Variants in OSBPL9 observed in about 807,000 individuals in gnomAD.
OSBPL9 encodes the protein oxysterol binding protein like 9, also known as oxysterol-binding protein-related protein 9.
A neutral mutation model predicts 106.6 loss-of-function variants in OSBPL9; 40 were observed. The observed-to-expected ratio is 0.38, with a 90% confidence interval of 0.29 to 0.49. OSBPL9 has a LOEUF of 0.49. Among genes scored for constraint, OSBPL9 ranks in the 20% least tolerant of loss-of-function variants. The pLI is 0.97. For synonymous variants in OSBPL9, 269 were observed against 295.4 expected, an observed-to-expected ratio of 0.91 and a Z score of 0.92; for missense variants, 609 against 887.2, an observed-to-expected ratio of 0.69 and a Z score of 3.98.
chr1:51,611,018 G>T (rs1643983592), intron 2 of OSBPL9, among the ~76,000 whole-genome samples: 1 of 152,228 alleles, frequency 6.6e-6, no homozygotes, highest in Non-Finnish European at 1.5e-5. Context: ...GAGGGTGTTT[G>T]TAAAATGTTT....
At chr1:51,524,225 C>A in the OSBPL9 span, among the ~76,000 whole-genome samples, 1 of 152,162 alleles carries the variant, frequency 6.6e-6, no homozygotes, top group African/African-American at 2.4e-5. Flanking sequence ...AAAGAACAAG[C>A]AGTAAGAGAT....
chr1:51,607,911 G>A (rs1168027395), intron 2 of OSBPL9, among the ~76,000 whole-genome samples: 1 of 152,192 alleles, frequency 6.6e-6, no homozygotes, highest in Non-Finnish European at 1.5e-5. Flanking sequence ...AGAAATCCAA[G>A]TGCCCCATCT....
chr1:51,620,216 A>T, intron 1 of OSBPL9, among the ~76,000 whole-genome samples: 1 of 152,230 alleles, frequency 6.6e-6, no homozygotes, highest in Admixed American at 6.5e-5. Context: ...TATGTGGCTT[A>T]TGATCACAAA....
intron 3 of OSBPL9, among the ~76,000 whole-genome samples, chr1:51,694,678 C>T (rs544707727): frequency 2.1e-4 from 32 of 152,222 alleles, no homozygotes; most frequent in Middle Eastern, 3.4e-3. Context: ...AAAATCAAAT[C>T]GGTTTACTGA....
At chr1:51,651,509 A>C (rs1049071196) in intron 1 of OSBPL9, among the ~76,000 whole-genome samples, 4 of 152,122 alleles carry the variant, frequency 2.6e-5, no homozygotes, top group Non-Finnish European at 5.9e-5. Context: ...AGGCTGAGGC[A>C]GGAGAATCGC....
At chr1:51,564,021 C>T in the OSBPL9 span, among the ~76,000 whole-genome samples, 10 of 109,882 alleles carry the variant, frequency 9.1e-5, no homozygotes, top group South Asian at 2.7e-3. Flanking sequence ...TGCCATTGCA[C>T]TCTAGCCTGG....
At chr1:51,563,965 G>A in the OSBPL9 span, among the ~76,000 whole-genome samples, 1 of 138,914 alleles carries the variant, frequency 7.2e-6, no homozygotes, top group Non-Finnish European at 1.5e-5. Flanking sequence ...GCACCTGGTG[G>A]GAGGATCTGA....
intron 1 of OSBPL9, among the ~76,000 whole-genome samples, chr1:51,621,227 CATGGTGG>C (rs1644412888): frequency 1.3e-5 from 2 of 152,202 alleles, no homozygotes; most frequent in South Asian, 4.1e-4. Flanking sequence ...TGTGGCCAGG[CATGGTGG>C]CTCACGCCTG....
intron 21 of OSBPL9, 188 bp from the exon 22 acceptor site, chr1:51,786,338 C>A: frequency 1.9e-6 from 1 of 534,184 alleles, no homozygotes; most frequent in Non-Finnish European, 3.3e-6. Context: ...CTTCAAAGAA[C>A]TTGCACTCTG....
the OSBPL9 span, among the ~76,000 whole-genome samples, chr1:51,540,439 G>A: frequency 9.9e-5 from 15 of 151,406 alleles, no homozygotes; most frequent in African/African-American, 3.4e-4. Context: ...GGCAGATCAC[G>A]AGGTCAAGAG....
At chr1:51,721,994 A>G (rs1005792023) in intron 4 of OSBPL9, among the ~76,000 whole-genome samples, 11 of 152,246 alleles carry the variant, frequency 7.2e-5, no homozygotes, top group African/African-American at 2.2e-4. Flanking sequence ...ATACAACTAC[A>G]TGTAGCCCTT....
chr1:51,554,540 G>C, the OSBPL9 span, among the ~76,000 whole-genome samples: 1 of 152,158 alleles, frequency 6.6e-6, no homozygotes, highest in Non-Finnish European at 1.5e-5. Context: ...TGTCTTGCTG[G>C]ATTGTTTTAG....
chr1:51,641,387 C>T (rs1023812260), intron 1 of OSBPL9, among the ~76,000 whole-genome samples: 5 of 152,160 alleles, frequency 3.3e-5, no homozygotes, highest in African/African-American at 1.2e-4. Flanking sequence ...GGGATTTCAA[C>T]ATATGAACTT....
chr1:51,529,920 C>G, the OSBPL9 span, among the ~76,000 whole-genome samples: 1 of 151,280 alleles, frequency 6.6e-6, no homozygotes, highest in Non-Finnish European at 1.5e-5. Context: ...GCCTGTAAAC[C>G]CAGCACTTTG....
At chr1:51,612,764 A>G (rs1349333973), upstream of OSBPL9, among the ~76,000 whole-genome samples, 1 of 152,202 alleles carries the variant, frequency 6.6e-6, no homozygotes, top group Non-Finnish European at 1.5e-5. Context: ...CATGTCCAAG[A>G]CATTTATTTA....
intron 4 of OSBPL9, among the ~76,000 whole-genome samples, chr1:51,742,137 G>A (rs183302822): frequency 1.3e-5 from 2 of 152,288 alleles, no homozygotes; most frequent in Admixed American, 1.3e-4. Context: ...ACACTGAGCT[G>A]GCCCTGATGG....
intron 2 of OSBPL9, among the ~76,000 whole-genome samples, chr1:51,602,882 G>A (rs1205947410): frequency 6.6e-6 from 1 of 152,220 alleles, no homozygotes; most frequent in Admixed American, 6.5e-5. Context: ...TAGGGCTGGG[G>A]TGGTGGCTCA....
rs1357173060 is a variant in OSBPL9, at chr1:51,602,419, AT to A, written c.-353+4247del. Reference sequence around the variant, plus strand: ...CTCGTTCATGAAACATTTTTTTTTAATTTTTTTTTTTTTTTTTTTTTGAGAC... The same window carrying A: ...CTCGTTCATGAAACATTTTTTTTTAATTTTTTTTTTTTTTTTTTTTGAGAC... On this transcript the variant is annotated intron_variant, in intron 2 of 25. Coordinates refer to the OSBPL9 transcript ENST00000371714. Among the ~76,000 whole-genome samples the A allele has an allele frequency of 6.2e-3, 646 of 104,652 alleles. 2 individuals carry two copies. Among genetic ancestry groups the A allele is most frequent in the East Asian group, 0.011 (44 of 3,920 alleles). 68.7% of individuals were successfully genotyped at this position (104,652 alleles called of 152,430 possible). A position where few individuals can be genotyped will look rare whatever the true frequency, so the allele number is the denominator to read the frequency against.
chr1:51,648,578 C>T (rs1557636620), intron 1 of OSBPL9, among the ~76,000 whole-genome samples: 1 of 152,136 alleles, frequency 6.6e-6, no homozygotes, highest in Admixed American at 6.5e-5. Flanking sequence ...CCTATAGCCC[C>T]GCATTAAAGC....
Sources: allele counts gnomAD v4.1 joint callset (sites outside exome capture counted in the v4.1 genomes callset), GRCh38; gene constraint gnomAD v4.1.1; transcripts MANE v1.5; gene names NCBI Gene and HGNC (gene_info 2026-07-23, HGNC 2026-07-21).